Variants in KCNMA1 observed in about 807,000 individuals in gnomAD.
KCNMA1 encodes the protein Calcium-activated potassium channel subunit alpha-1.
A neutral mutation model predicts 140.0 loss-of-function variants in KCNMA1; 29 were observed. The observed-to-expected ratio is 0.21, with a 90% CI of 0.15 to 0.28. The LOEUF is 0.28. Among genes scored for constraint, KCNMA1 ranks in the 10% least tolerant of loss-of-function variants. The pLI, the probability that KCNMA1 is intolerant of heterozygous loss-of-function variation, is 1.00. For missense variants in KCNMA1, 880 were observed against 1,602.2 expected (o/e 0.55, Z 7.70); for synonymous variants, 612 against 611.9 (o/e 1.00, Z 0.00).
intron 5 of KCNMA1, among the ~76,000 whole-genome samples, chr10:77,149,158 T>G (rs2098372490): frequency 6.6e-6 from 1 of 152,210 alleles, no homozygotes; most frequent in African/African-American, 2.4e-5. Flanking sequence ...TTTCTTCCCT[T>G]TCTGAAGGAC....
At chr10:77,594,718 T>C (rs963252019) in intron 1 of KCNMA1, among the ~76,000 whole-genome samples, 1 of 152,214 alleles carries the variant, frequency 6.6e-6, no homozygotes, top group African/African-American at 2.4e-5. Context: ...CTGATAACAA[T>C]GGCGTATGGC....
intron 9 of KCNMA1, among the ~76,000 whole-genome samples, chr10:77,093,861 G>A (rs762855251): frequency 1.3e-5 from 2 of 152,170 alleles, no homozygotes; most frequent in African/African-American, 2.4e-5. Flanking sequence ...TATCTCTGTT[G>A]GGTTCCATGA....
At chr10:77,022,402 T>C (rs1400660256) in intron 16 of KCNMA1, among the ~76,000 whole-genome samples, 1 of 152,210 alleles carries the variant, frequency 6.6e-6, no homozygotes, top group Non-Finnish European at 1.5e-5. Flanking sequence ...ATATAAATTA[T>C]CCTTTCTTCT....
At position 76,886,792 on chromosome 10, in the gene KCNMA1, A is replaced by G; in HGVS notation, c.*474T>C. On this transcript the variant is annotated 3_prime_UTR_variant, in exon 28 of 28. Transcript: ENST00000286628. ...CATTGCTGTTTGGTTGCTTGTTTCA[A>G]ATAAACATGTGCTAACTTATTGTGT... is the stretch of plus-strand genomic sequence containing the variant. 9.7e-7 allele frequency: 1 copy of G among 1,031,390 alleles called. No individual in the cohort carries two copies. The highest frequency in any genetic ancestry group is 1.2e-6 in the Non-Finnish European group (1 of 857,074). The allele number at this position is 1,031,390 out of a possible 1,614,324, so 63.9% of individuals were successfully genotyped here. A position where few individuals can be genotyped will look rare whatever the true frequency, so the allele number is the denominator to read the frequency against.
intron 2 of KCNMA1, among the ~76,000 whole-genome samples, chr10:77,311,219 T>C (rs1180836854): frequency 2.0e-5 from 3 of 152,210 alleles, no homozygotes; most frequent in African/African-American, 7.2e-5. Context: ...CAACTCATGT[T>C]AGGGGATGTC....
intron 2 of KCNMA1, among the ~76,000 whole-genome samples, chr10:77,299,827 G>T (rs1438528046): frequency 6.6e-6 from 1 of 152,168 alleles, no homozygotes; most frequent in Non-Finnish European, 1.5e-5. Context: ...TAAAGGCATA[G>T]CATCAAGGTC....
At chr10:77,333,079 G>A (rs189999478) in intron 2 of KCNMA1, among the ~76,000 whole-genome samples, 1 of 152,062 alleles carries the variant, frequency 6.6e-6, no homozygotes, top group East Asian at 1.9e-4. Flanking sequence ...CTCCAGAATG[G>A]CCTCATCTGG....
intron 5 of KCNMA1, among the ~76,000 whole-genome samples, chr10:77,153,377 CTTTTT>C (rs1464625697): frequency 6.6e-6 from 1 of 151,782 alleles, no homozygotes; most frequent in Non-Finnish European, 1.5e-5. Flanking sequence ...TTTTCTTTTT[CTTTTT>C]GTTTTTTGAG....
At chr10:77,457,987 A>G (rs1322585036) in intron 1 of KCNMA1, among the ~76,000 whole-genome samples, 1 of 152,124 alleles carries the variant, frequency 6.6e-6, no homozygotes, top group Non-Finnish European at 1.5e-5. Context: ...CCATCAAATC[A>G]TGCTCTTGCT....
chr10:77,497,230 T>C (rs1471069127), intron 1 of KCNMA1, among the ~76,000 whole-genome samples: 1 of 152,224 alleles, frequency 6.6e-6, no homozygotes, highest in African/African-American at 2.4e-5. Context: ...TTATGAATAA[T>C]CAAAGTCCAA....
chr10:77,048,453 G>C (rs896551605), intron 14 of KCNMA1, among the ~76,000 whole-genome samples: 1 of 152,154 alleles, frequency 6.6e-6, no homozygotes. Context: ...GAAAGAACTT[G>C]ACAAAACTTA....
chr10:77,267,357 A>G (rs907916295), intron 2 of KCNMA1, among the ~76,000 whole-genome samples: 1 of 152,196 alleles, frequency 6.6e-6, no homozygotes. Context: ...TGAGGCCCAG[A>G]GAGCTTAAAT....
intron 9 of KCNMA1, among the ~76,000 whole-genome samples, chr10:77,102,751 C>T (rs1468499258): frequency 6.6e-6 from 1 of 152,210 alleles, no homozygotes; most frequent in Non-Finnish European, 1.5e-5. Context: ...CCTTGGACTA[C>T]TTTATCCAGT....
chr10:76,961,527 A>G (rs1160075572), intron 20 of KCNMA1, among the ~76,000 whole-genome samples: 1 of 152,254 alleles, frequency 6.6e-6, no homozygotes, highest in Non-Finnish European at 1.5e-5. Flanking sequence ...AGAGTATGAA[A>G]GGATTGACTC....
At chr10:76,897,980 A>T (rs1285261550) in intron 25 of KCNMA1, among the ~76,000 whole-genome samples, 1 of 151,884 alleles carries the variant, frequency 6.6e-6, no homozygotes, top group Non-Finnish European at 1.5e-5. Context: ...AATAGAATGG[A>T]AAGTTTACAC....
Position 76,937,984 on chromosome 10 carries a change from T to G in KCNMA1, c.2902+6789A>C, listed in dbSNP as rs551693697. 2.7e-4 allele frequency among the ~76,000 whole-genome samples: 41 copies of G among 152,168 alleles called. 1 individual carries two copies. The highest frequency in any genetic ancestry group is 9.6e-4 in the African/African-American group (40 of 41,502). On this transcript the variant is annotated intron_variant, in intron 23 of 27. Transcript: ENST00000286628. ...AGCATAAAATATGGAAAAAAGGCAG[T>G]GGACATATGTCTTGGGTTTGAGATC...
chr10:77,062,678 C>T (rs1160649088), intron 14 of KCNMA1, among the ~76,000 whole-genome samples: 1 of 152,192 alleles, frequency 6.6e-6, no homozygotes, highest in African/African-American at 2.4e-5. Flanking sequence ...ATGGGGCAGA[C>T]ATATGTATCT....
intron 21 of KCNMA1, among the ~76,000 whole-genome samples, chr10:76,952,390 C>G (rs1444092230): frequency 6.6e-6 from 1 of 151,962 alleles, no homozygotes; most frequent in Non-Finnish European, 1.5e-5. Flanking sequence ...TATGGTGGCG[C>G]GAACCTATAG....
At chr10:77,271,702 T>C (rs2065191201) in intron 2 of KCNMA1, among the ~76,000 whole-genome samples, 1 of 152,192 alleles carries the variant, frequency 6.6e-6, no homozygotes, top group South Asian at 2.1e-4. Context: ...ACATCTTTCA[T>C]CCCAGAATGG....
Sources: gnomAD v4.1 joint callset for allele counts (sites outside exome capture counted in the v4.1 genomes callset) on GRCh38, gnomAD v4.1.1 for gene constraint, MANE v1.5 for transcripts, NCBI Gene and HGNC (gene_info 2026-07-23, HGNC 2026-07-21) for gene names.